The following LY75 variants were observed in gnomAD, a reference collection of about 807,000 sequenced individuals.
LY75 encodes the protein C-type lectin domain family 13 member B.
LY75 carries 185 observed loss-of-function variants against 231.7 expected under a neutral mutation model. That is an observed-to-expected ratio of 0.80 (90% CI 0.71 to 0.90). The LOEUF (loss-of-function observed/expected upper bound fraction) is 0.90. LY75 is among the 40% of genes least tolerant of loss of function. The pLI is 0.00. For synonymous variants in LY75, 668 were observed against 689.0 expected, an observed-to-expected ratio of 0.97 and a Z score of 0.48; for missense variants, 1,947 against 2,050.2, an observed-to-expected ratio of 0.95 and a Z score of 0.97.
At chr2:159,807,600 C>T (rs1682827094) in intron 33 of LY75, 1 of 984,834 alleles carries the variant, frequency 1.0e-6, no homozygotes, top group Non-Finnish European at 1.2e-6. Flanking sequence ...ACACCACCAC[C>T]AGGACTCCAT....
At chr2:159,819,125 C>T (rs1226113387) in intron 29 of LY75, among the ~76,000 whole-genome samples, 1 of 152,228 alleles carries the variant, frequency 6.6e-6, no homozygotes, top group Admixed American at 6.5e-5. Context: ...AACTAGCCAG[C>T]ACTCCACCTT....
intron 12 of LY75, 101 bp from the exon 13 acceptor site, chr2:159,872,694 T>G: frequency 3.8e-6 from 5 of 1,330,348 alleles, no homozygotes; most frequent in Admixed American, 2.2e-5. Flanking sequence ...CTGAAATGAA[T>G]TCTTAAAGGT....
chr2:159,845,910 A>G (rs572538689), intron 23 of LY75, among the ~76,000 whole-genome samples: 1 of 151,968 alleles, frequency 6.6e-6, no homozygotes, highest in Admixed American at 6.6e-5. Flanking sequence ...GCATACACAC[A>G]CAGTCCTAAT....
intron 28 of LY75, among the ~76,000 whole-genome samples, chr2:159,830,631 C>T (rs1174532164): frequency 6.8e-6 from 1 of 147,524 alleles, no homozygotes; most frequent in Non-Finnish European, 1.5e-5. Context: ...TCTCTGTTGC[C>T]CTGGCTGGAG....
Position 159,808,227 on chromosome 2 carries a change from T to G in LY75, c.4822+222A>C, listed in dbSNP as rs187933775. 3.8e-6 allele frequency: 3 copies of G among 795,444 alleles called. No individual in the cohort carries two copies. The East Asian group carries it at 3.8e-4, about 99-fold the overall frequency. The allele number at this position is 795,444 out of a possible 1,614,324, so 49.3% of individuals were successfully genotyped here. A position where few individuals can be genotyped will look rare whatever the true frequency, so the allele number is the denominator to read the frequency against. On this transcript the variant is annotated intron_variant, in intron 33 of 34. Transcript: ENST00000263636. ...GCCTCTAGAAAGATTCCACTTTATT[T>G]AACAGGATTTTCTGTGTCATTAGTG...
chr2:159,904,190 C>T (rs887996368), intron 1 of LY75, among the ~76,000 whole-genome samples: 1 of 152,116 alleles, frequency 6.6e-6, no homozygotes, highest in Non-Finnish European at 1.5e-5. Flanking sequence ...GACCAAGGGC[C>T]GAAGGAAAAG....
Position 159,890,373 on chromosome 2 carries a change from G to GT in LY75, c.641dup (p.Asn214LysfsTer4). The GT allele has an allele frequency of 6.2e-7, 1 of 1,612,650 alleles. No homozygotes were observed. The highest frequency in any genetic ancestry group is 8.5e-7 in the Non-Finnish European group (1 of 1,179,400). ...TCTTTTCCCAATTATCTTCACAACC[G>GT]TTTTCTGTTGATAAAGACACGTTAG... On this transcript the variant is annotated frameshift_variant, in exon 4 of 35. Transcript: ENST00000263636. LOFTEE classifies it high-confidence loss of function.
At position 159,858,378 on chromosome 2, in the gene LY75, C is replaced by T. The variant is rs1251229316; in HGVS notation, c.2367G>A (p.Val789=). The change falls in exon 16 of 35, where the codon GTG becomes GTA. Residue 789 remains valine (V), a synonymous_variant. Transcript: ENST00000263636. ...ACCACTTACCTTTTGGAATTTGGCA[C>T]ACCCATTCAAGTTTTGTATCACAAG... The part of the protein sequence containing the change: ...PFACDTKLEW[V]CQIPKGRTPK... 15 of 1,613,004 alleles carry T rather than the reference C, an allele frequency of 9.3e-6. No individual in the cohort carries two copies. The Admixed American group carries it at 2.5e-4, about 27-fold the overall frequency.
Position 159,877,117 on chromosome 2 carries a change from C to T in LY75, c.1774+1207G>A, listed in dbSNP as rs1010827122. On this transcript the variant is annotated intron_variant, in intron 11 of 34. Coordinates refer to ENST00000263636, the MANE Select transcript of LY75 (RefSeq NM_002349.4). ...TCTGAGATTTAACCAGGATCAACAT[C>T]TGTATACTCTATCTTTTTCAGACAT... Among the ~76,000 whole-genome samples, 3 of 151,530 alleles carry T rather than the reference C, an allele frequency of 2.0e-5. No homozygotes were observed. The East Asian group carries it at 5.8e-4, about 29-fold the overall frequency.
chr2:159,818,355 C>T (rs1305302506), intron 29 of LY75, among the ~76,000 whole-genome samples: 1 of 152,162 alleles, frequency 6.6e-6, no homozygotes, highest in East Asian at 1.9e-4. Context: ...GAGAATGCTC[C>T]CTCACATCTT....
intron 26 of LY75, among the ~76,000 whole-genome samples, chr2:159,835,004 A>G (rs1046200463): frequency 2.6e-5 from 4 of 152,206 alleles, no homozygotes; most frequent in African/African-American, 9.6e-5. Context: ...ACAAAGTGAA[A>G]TTTAGAAATT....
At chr2:159,851,635 T>C (rs987843354) in intron 21 of LY75, among the ~76,000 whole-genome samples, 2 of 152,220 alleles carry the variant, frequency 1.3e-5, no homozygotes, top group African/African-American at 4.8e-5. Flanking sequence ...GCCAAATGCA[T>C]TTCCTAATAC....
intron 25 of LY75, among the ~76,000 whole-genome samples, chr2:159,839,687 G>A (rs1429667205): frequency 2.6e-5 from 4 of 152,042 alleles, no homozygotes; most frequent in East Asian, 1.9e-4. Flanking sequence ...TGTGCACCAC[G>A]GTGCCCAGCC....
rs1260926554 is a variant in LY75, at chr2:159,807,989, A to G, written c.4822+460T>C. On this transcript the variant is annotated intron_variant, in intron 33 of 34. Coordinates refer to ENST00000263636, the MANE Select transcript of LY75 (RefSeq NM_002349.4). ...AAGACAGTTTTTAAAGATTACTATT[A>G]AGACATAATTTTAACCAGTGGTAAA... 8 of 925,586 alleles carry G rather than the reference A, an allele frequency of 8.6e-6. No homozygotes were observed. The African/African-American group carries it at 1.3e-4, about 14-fold the overall frequency. 57.3% of individuals were successfully genotyped at this position (925,586 alleles called of 1,614,324 possible). A position where few individuals can be genotyped will look rare whatever the true frequency, so the allele number is the denominator to read the frequency against.
intron 30 of LY75, among the ~76,000 whole-genome samples, chr2:159,816,101 T>C (rs898555447): frequency 4.6e-5 from 7 of 152,242 alleles, no homozygotes; most frequent in Middle Eastern, 3.4e-3. Flanking sequence ...TAACTTGCCA[T>C]GCTTTTAAAA....
At chr2:159,847,067 A>C (rs1684224617) in intron 23 of LY75, among the ~76,000 whole-genome samples, 1 of 152,084 alleles carries the variant, frequency 6.6e-6, no homozygotes, top group African/African-American at 2.4e-5. Context: ...GCTGGAGTGC[A>C]ATGACACGAT....
At chr2:159,886,328 A>G in intron 5 of LY75, 92 bp downstream of exon 5, 1 of 1,343,902 alleles carries the variant, frequency 7.4e-7, no homozygotes, top group Non-Finnish European at 9.8e-7. Context: ...AGCTGCCAAG[A>G]TGTGAAACTT....
At chr2:159,898,216 G>C (rs2125886251) in intron 2 of LY75, among the ~76,000 whole-genome samples, 1 of 152,310 alleles carries the variant, frequency 6.6e-6, no homozygotes, top group Admixed American at 6.5e-5. Flanking sequence ...GTGTGCTCAA[G>C]TGATCCTGCT....
chr2:159,885,350 G>A, intron 5 of LY75, 57 bp from the exon 6 acceptor site: 5 of 1,554,604 alleles, frequency 3.2e-6, no homozygotes, highest in Non-Finnish European at 4.4e-6. Context: ...CCAGGATGGT[G>A]TCAGAAAGAA....
Sources: gnomAD v4.1 joint callset for allele counts (sites outside exome capture counted in the v4.1 genomes callset) on GRCh38, gnomAD v4.1.1 for gene constraint, MANE v1.5 for transcripts, NCBI Gene and HGNC (gene_info 2026-07-23, HGNC 2026-07-21) for gene names.